The following AIFM3 variants were observed in gnomAD, a reference collection of about 807,000 sequenced individuals.
AIFM3 encodes the protein apoptosis-inducing factor 3.
Under a neutral mutation model 82.7 loss-of-function variants are expected in AIFM3, and 71 were observed. The observed-to-expected ratio is 0.86, with a 90% CI of 0.71 to 1.05. AIFM3 has a LOEUF of 1.05. Among genes scored for constraint, AIFM3 ranks in the 50% least tolerant of loss-of-function variants. AIFM3 has a pLI of 0.00. For synonymous variants in AIFM3, 337 were observed against 329.1 expected, an observed-to-expected ratio of 1.02 and a Z score of -0.26; for missense variants, 748 against 816.7, an observed-to-expected ratio of 0.92 and a Z score of 1.03.
chr22:20,973,439 T>G lies in AIFM3; in HGVS notation c.164T>G (p.Leu55Arg). The G allele has an allele frequency of 6.2e-7, 1 of 1,613,184 alleles. No homozygotes were observed. Among genetic ancestry groups the G allele is most frequent in the South Asian group, 1.1e-5 (1 of 91,072 alleles). The change falls in exon 3 of 21, where the codon CTG (leucine) becomes CGG (arginine). Residue 55 changes from leucine (L) to arginine (R), a missense_variant. Physicochemically the swap from Leu to Arg is moderately radical, Grantham distance 102. Coordinates refer to ENST00000440238, the MANE Select transcript of AIFM3 (RefSeq NM_001386814.1). The part of the protein sequence containing the change: ...TARHFHTEER[L>R]STPHPYPSPQ... Reference sequence around the variant, plus strand: ...CGCCACTTCCACACGGAGGAGCGCCTGTCCACCCCTCACCCCTACCCCAGC... The same window carrying G: ...CGCCACTTCCACACGGAGGAGCGCCGGTCCACCCCTCACCCCTACCCCAGC...
Position 20,980,130 on chromosome 22 carries a change from T to C in AIFM3, c.1757+6T>C. On this transcript the variant is annotated splice_donor_region_variant and intron_variant, in intron 19 of 20. Coordinates refer to ENST00000440238, the MANE Select transcript of AIFM3 (RefSeq NM_001386814.1). ...ATCCGGAAGCGGGAGGTGGAGTGAGTGTGGGTGTGGGAAGCCTGGGGGTGG... is the reference window on the plus strand; with the variant it reads ...ATCCGGAAGCGGGAGGTGGAGTGAGCGTGGGTGTGGGAAGCCTGGGGGTGG... 1.2e-6 allele frequency: 2 copies of C among 1,604,732 alleles called. No homozygotes were observed. The highest frequency in any genetic ancestry group is 1.7e-6 in the Non-Finnish European group (2 of 1,179,696).
At chr22:20,978,789 G>C (rs77526732) in intron 16 of AIFM3, among the ~76,000 whole-genome samples, 4 of 152,174 alleles carry the variant, frequency 2.6e-5, no homozygotes, top group Non-Finnish European at 4.4e-5. Context: ...TTAACTGAGA[G>C]AGTTTAGGGG....
intron 16 of AIFM3, among the ~76,000 whole-genome samples, chr22:20,978,495 C>T (rs1351064930): frequency 2.0e-5 from 3 of 152,056 alleles, no homozygotes; most frequent in African/African-American, 7.2e-5. Context: ...TGCTGGCCAC[C>T]AAGTCCCCCA....
At position 20,973,932 on chromosome 22, in the gene AIFM3, C is replaced by T. The variant is rs998526162; in HGVS notation, c.355+65C>T. 3 of 1,475,352 alleles carry T rather than the reference C, an allele frequency of 2.0e-6. No homozygotes were observed. In the African/African-American group the frequency reaches 4.2e-5, roughly 21 times the overall value. The allele number at this position is 1,475,352 out of a possible 1,614,324, so 91.4% of individuals were successfully genotyped here. On this transcript the variant is annotated intron_variant, in intron 4 of 20. Transcript: ENST00000440238. Reference sequence around the variant, plus strand: ...GCCCCATGCCAGCTTGGCTCCTCCCCAGACCCCAGGATCTTCATCTATTAG... The same window carrying T: ...GCCCCATGCCAGCTTGGCTCCTCCCTAGACCCCAGGATCTTCATCTATTAG...
In AIFM3 at chr22:20,967,811, G is replaced by C. The variant is rs1922994387; in HGVS notation, c.-134G>C. 1 of 940,368 alleles carries C rather than the reference G, an allele frequency of 1.1e-6. No individual in the cohort carries two copies. Among genetic ancestry groups the C allele is most frequent in the South Asian group, 1.3e-5 (1 of 74,134 alleles). The allele number at this position is 940,368 out of a possible 1,614,324, so 58.3% of individuals were successfully genotyped here. A position where few individuals can be genotyped will look rare whatever the true frequency, so the allele number is the denominator to read the frequency against. On this transcript the variant is annotated 5_prime_UTR_variant, in exon 2 of 21. Coordinates refer to ENST00000440238, the MANE Select transcript of AIFM3 (RefSeq NM_001386814.1). Reference sequence around the variant, plus strand: ...GCTCCAGTCTCCCCTGCAGGTCCTAGAGCAGCTCCAGCAGGATGGCGGCTC... The same window carrying C: ...GCTCCAGTCTCCCCTGCAGGTCCTACAGCAGCTCCAGCAGGATGGCGGCTC...
chr22:20,976,743 C>T lies in AIFM3; in HGVS notation c.1123C>T (p.Arg375Cys), dbSNP rs139501949. The change falls in exon 12 of 21, where the codon CGC (arginine) becomes TGC (cysteine). Residue 375 changes from arginine to cysteine, a missense_variant. By Grantham distance (180) the Arg-to-Cys change is radical. Around this residue, in one of 5 missense-constraint regions of AIFM3, gnomAD observed 393 missense variants for 481.1 expected, o/e 0.82. Transcript: ENST00000440238. ...GCCCTTCAGGAGGTTCCTGGGGGAG[C>T]GCGTGGGTCGTGCCCTCATGAAGGT... ...ETPFRRFLGE[R>C]VGRALMKMFE... 7.9e-3 allele frequency: 12,678 copies of T among 1,610,098 alleles called. 70 individuals carry two copies. Among genetic ancestry groups the T allele is most frequent in the Non-Finnish European group, 9.5e-3 (11,200 of 1,178,154 alleles).
intron 19 of AIFM3, 149 bp downstream of exon 19, chr22:20,980,273 T>G (rs1167554653): frequency 2.9e-6 from 2 of 679,780 alleles, no homozygotes; most frequent in African/African-American, 3.6e-5. Context: ...TACAGGGAGG[T>G]GTGGGGCAAG....
At chr22:20,980,353 G>A in intron 19 of AIFM3, 2 of 599,250 alleles carry the variant, frequency 3.3e-6, no homozygotes, top group Non-Finnish European at 5.9e-6. Context: ...TGTGTCACCA[G>A]GCAGGGCCAG....
chr22:20,973,242 C>A, intron 2 of AIFM3, 65 bp from the exon 3 acceptor site: 1 of 1,537,958 alleles, frequency 6.5e-7, no homozygotes, highest in South Asian at 1.2e-5. Flanking sequence ...CCTCTGCACC[C>A]AGCTTGAGGG....
chr22:20,974,413 A>C, intron 6 of AIFM3, 112 bp from the exon 7 acceptor site: 1 of 1,558,794 alleles, frequency 6.4e-7, no homozygotes, highest in South Asian at 1.2e-5. Context: ...TCACTGGAGC[A>C]GAGTGAGGGG....
intron 9 of AIFM3, 51 bp from the exon 10 acceptor site, chr22:20,976,164 C>T (rs367609112): frequency 2.5e-5 from 35 of 1,398,162 alleles, no homozygotes; most frequent in East Asian, 1.4e-4. Flanking sequence ...GAGTGGGCGG[C>T]GAGGCCCAGC....
At chr22:20,967,182 G>A (rs1922941186), upstream of AIFM3, 1 of 152,272 alleles carries the variant, frequency 6.6e-6, no homozygotes, top group African/African-American at 2.4e-5. Context: ...CTTGAGCTGG[G>A]AGGAGGGTGG....
intron 14 of AIFM3, 188 bp from the exon 15 acceptor site, chr22:20,977,512 G>T: frequency 1.5e-6 from 1 of 660,326 alleles, no homozygotes; most frequent in Non-Finnish European, 2.7e-6. Flanking sequence ...TGATATCTGA[G>T]GTCTTGCGGG....
intron 9 of AIFM3, 102 bp downstream of exon 9, chr22:20,975,880 C>A: frequency 7.5e-7 from 1 of 1,342,254 alleles, no homozygotes; most frequent in Non-Finnish European, 1.0e-6. Flanking sequence ...CCTTCCTGGC[C>A]CCACAGCCCA....
At chr22:20,969,009 C>T (rs60585496) in intron 2 of AIFM3, among the ~76,000 whole-genome samples, 110 of 152,332 alleles carry the variant, frequency 7.2e-4, no homozygotes, top group African/African-American at 2.3e-3. Flanking sequence ...CTTCCTCCCC[C>T]GCTCCTGTGC....
intron 2 of AIFM3, among the ~76,000 whole-genome samples, 200 bp downstream of exon 2, chr22:20,968,175 G>A (rs902807262): frequency 6.6e-6 from 1 of 152,192 alleles, no homozygotes; most frequent in African/African-American, 2.4e-5. Flanking sequence ...CCCTGCTCCA[G>A]TGGGTGCCCC....
chr22:20,978,434 C>A (rs2147948859), intron 16 of AIFM3, among the ~76,000 whole-genome samples: 1 of 152,190 alleles, frequency 6.6e-6, no homozygotes, highest in South Asian at 2.1e-4. Context: ...GAGACGTGGG[C>A]TCAGTGGAGG....
In AIFM3 at chr22:20,979,296, G is replaced by A; in HGVS notation, c.1503G>A (p.Leu501=). Residue 501 remains leucine (L), a synonymous_variant, in exon 17 of 21, where the codon TTG becomes TTA. Coordinates refer to ENST00000440238, the MANE Select transcript of AIFM3 (RefSeq NM_001386814.1). ...GGCGCGTGGCAGCCCAGAACATGTTGGCGCAGGAGGCGGAGATGAGCACTG... is the reference window on the plus strand; with the variant it reads ...GGCGCGTGGCAGCCCAGAACATGTTAGCGCAGGAGGCGGAGATGAGCACTG... The part of the protein sequence containing the change: ...AQGRVAAQNM[L]AQEAEMSTVP... The A allele has an allele frequency of 6.4e-7, 1 of 1,559,370 alleles. No homozygotes were observed. Among genetic ancestry groups the A allele is most frequent in the Non-Finnish European group, 8.7e-7 (1 of 1,151,196 alleles).
chr22:20,975,444 T>C (rs1364112280), intron 8 of AIFM3, among the ~76,000 whole-genome samples: 7 of 152,082 alleles, frequency 4.6e-5, no homozygotes, highest in Non-Finnish European at 1.0e-4. Flanking sequence ...ATTTTGTATT[T>C]TTTGTAGAAA....
Sources: allele counts gnomAD v4.1 joint callset (sites outside exome capture counted in the v4.1 genomes callset), GRCh38; gene constraint gnomAD v4.1.1; regional missense constraint gnomAD v4.1.1; transcripts MANE v1.5; gene names NCBI Gene and HGNC (gene_info 2026-07-23, HGNC 2026-07-21).